Variants in KDM4C observed in about 807,000 individuals in gnomAD.
The protein encoded by KDM4C is lysine demethylase 4C, also known as lysine-specific demethylase 4C.
A neutral mutation model predicts 129.3 loss-of-function variants in KDM4C; 81 were observed. That is an observed-to-expected ratio of 0.63 (90% CI 0.52 to 0.75). The LOEUF (loss-of-function observed/expected upper bound fraction) is 0.75, where lower values mean the gene tolerates loss of function less well. Among genes scored for constraint, KDM4C ranks in the 30% least tolerant of loss-of-function variants. The pLI, the probability that KDM4C is intolerant of heterozygous loss-of-function variation, is 0.00. For synonymous variants in KDM4C, 573 were observed against 456.1 expected, an observed-to-expected ratio of 1.26 and a Z score of -3.26; for missense variants, 1,457 against 1,304.0, an observed-to-expected ratio of 1.12 and a Z score of -1.81.
At chr9:7,139,626 C>G (rs1329463675) in intron 19 of KDM4C, among the ~76,000 whole-genome samples, 2 of 152,160 alleles carry the variant, frequency 1.3e-5, no homozygotes, top group Non-Finnish European at 2.9e-5. Context: ...CACACTAGAC[C>G]CTGTAACTTT....
intron 1 of KDM4C, among the ~76,000 whole-genome samples, chr9:6,731,939 TA>T (rs1030862267): frequency 2.6e-5 from 4 of 152,148 alleles, no homozygotes; most frequent in Non-Finnish European, 4.4e-5. Flanking sequence ...TGTAAACATT[TA>T]AAACCTTTGG....
At chr9:6,730,984 C>G (rs183496213) in intron 1 of KDM4C, among the ~76,000 whole-genome samples, 7 of 152,314 alleles carry the variant, frequency 4.6e-5, no homozygotes, top group Non-Finnish European at 1.0e-4. Flanking sequence ...GACTCAAATA[C>G]AGAAGTACAG....
At chr9:6,857,377 C>T (rs1336786226) in intron 5 of KDM4C, among the ~76,000 whole-genome samples, 2 of 152,228 alleles carry the variant, frequency 1.3e-5, no homozygotes, top group Admixed American at 6.5e-5. Context: ...TAGCTTTGTA[C>T]ATAGCTGCTA....
chr9:7,046,170 C>T (rs1302239400), intron 15 of KDM4C, among the ~76,000 whole-genome samples: 1 of 151,810 alleles, frequency 6.6e-6, no homozygotes, highest in African/African-American at 2.4e-5. Flanking sequence ...ATATTTGTAG[C>T]AATTGGAGTC....
At position 6,986,593 on chromosome 9, in the gene KDM4C, A is replaced by T. The variant is rs760262623; in HGVS notation, c.1604A>T (p.His535Leu). The change falls in exon 11 of 22, where the codon CAT (histidine) becomes CTT (leucine). Residue 535 changes from histidine to leucine, a missense_variant. Physicochemically the swap from His to Leu is moderately conservative, Grantham distance 99 (BLOSUM62 -3). Transcript: ENST00000381309. ...GGAGAAGAGAGTGATGTGGAGAGCC[A>T]TGGGAATGGCCTTGAACCTGGGGAA... is the stretch of plus-strand genomic sequence containing the variant. ...TEGEESDVESHGNGLEPGEIP... is the reference protein window; with the variant it reads ...TEGEESDVESLGNGLEPGEIP... 6.2e-7 allele frequency: 1 copy of T among 1,614,176 alleles called. No individual in the cohort carries two copies. The highest frequency in any genetic ancestry group is 8.5e-7 in the Non-Finnish European group (1 of 1,180,016).
intron 8 of KDM4C, among the ~76,000 whole-genome samples, chr9:6,899,541 G>GT (rs202132135): frequency 0.25 from 29,865 of 118,476 alleles, 3,044 homozygotes; most frequent in South Asian, 0.38. Context: ...TTTTCCATGG[G>GT]GGTGTGTGTG....
intron 8 of KDM4C, among the ~76,000 whole-genome samples, chr9:6,927,246 C>T (rs756407621): frequency 6.6e-6 from 1 of 152,102 alleles, no homozygotes; most frequent in Non-Finnish European, 1.5e-5. Flanking sequence ...TCTTATGCCT[C>T]AGCCTCCTGA....
At chr9:6,866,119 A>T (rs77454528) in intron 5 of KDM4C, among the ~76,000 whole-genome samples, 87 of 151,252 alleles carry the variant, frequency 5.8e-4, no homozygotes, top group African/African-American at 2.1e-3. Flanking sequence ...TCCTGACCTC[A>T]GGTGATCCAC....
At chr9:6,828,798 G>T (rs1025051460) in intron 4 of KDM4C, among the ~76,000 whole-genome samples, 2 of 152,138 alleles carry the variant, frequency 1.3e-5, no homozygotes, top group Non-Finnish European at 2.9e-5. Context: ...TTGAACCTGG[G>T]AGGTAGAGGT....
chr9:7,000,663 AT>A (rs1363154938), intron 12 of KDM4C, among the ~76,000 whole-genome samples: 2 of 151,994 alleles, frequency 1.3e-5, no homozygotes, highest in Non-Finnish European at 2.9e-5. Context: ...AATATTTGAA[AT>A]TTTTTTTACT....
chr9:6,800,497 C>CCACT (rs560417787), intron 2 of KDM4C, among the ~76,000 whole-genome samples: 270 of 152,016 alleles, frequency 1.8e-3, no homozygotes, highest in Non-Finnish European at 2.9e-3. Context: ...TGCGATCATG[C>CCACT]CACTATATTC....
At chr9:6,858,958 A>G (rs1157872783) in intron 5 of KDM4C, among the ~76,000 whole-genome samples, 2 of 152,006 alleles carry the variant, frequency 1.3e-5, no homozygotes, top group Admixed American at 6.6e-5. Context: ...ATTTGCCCAT[A>G]GTATATAGGA....
intron 7 of KDM4C, 130 bp downstream of exon 7, chr9:6,888,193 G>T: frequency 2.4e-6 from 1 of 425,500 alleles, no homozygotes; most frequent in Non-Finnish European, 4.2e-6. Flanking sequence ...ATGTTTTATA[G>T]CATATCAATT....
intron 4 of KDM4C, among the ~76,000 whole-genome samples, chr9:6,822,343 G>A (rs1041257146): frequency 6.6e-6 from 1 of 152,140 alleles, no homozygotes; most frequent in African/African-American, 2.4e-5. Flanking sequence ...ATTTGTTCTT[G>A]GGGAAGACTG....
intron 1 of KDM4C, among the ~76,000 whole-genome samples, chr9:6,780,109 G>A (rs1049507212): frequency 6.6e-6 from 1 of 152,048 alleles, no homozygotes; most frequent in Non-Finnish European, 1.5e-5. Flanking sequence ...TCACACACAG[G>A]GCTAAGTAGG....
At position 7,065,866 on chromosome 9, in the gene KDM4C, C is replaced by T. The variant is rs1267709157; in HGVS notation, c.2424+16666C>T. 5.9e-5 allele frequency among the ~76,000 whole-genome samples: 9 copies of T among 152,186 alleles called. No individual in the cohort carries two copies. In the East Asian group the frequency reaches 1.4e-3, roughly 23 times the overall value. ...CTAAATAGTGTGAAATGTAATAAGT[C>T]AGTGACTGTAGTTTGAAAAAGCAAA... On this transcript the variant is annotated intron_variant, in intron 17 of 21. Coordinates refer to ENST00000381309, the MANE Select transcript of KDM4C (RefSeq NM_015061.6).
At chr9:6,999,173 G>C (rs1363710731) in intron 12 of KDM4C, among the ~76,000 whole-genome samples, 2 of 152,096 alleles carry the variant, frequency 1.3e-5, no homozygotes, top group African/African-American at 4.8e-5. Context: ...TAGGTGTTTG[G>C]GGAAAATTAT....
chr9:6,890,767 T>C (rs551352018), intron 7 of KDM4C, among the ~76,000 whole-genome samples: 1 of 152,216 alleles, frequency 6.6e-6, no homozygotes, highest in African/African-American at 2.4e-5. Flanking sequence ...CACCTTTATG[T>C]GGGAGCAGGG....
chr9:7,027,056 C>G (rs1478228718), intron 15 of KDM4C, among the ~76,000 whole-genome samples: 1 of 152,022 alleles, frequency 6.6e-6, no homozygotes, highest in South Asian at 2.1e-4. Flanking sequence ...TTTGAGAGGT[C>G]ACATATCTGT....
Sources: allele counts gnomAD v4.1 joint callset (sites outside exome capture counted in the v4.1 genomes callset), GRCh38; gene constraint gnomAD v4.1.1; transcripts MANE v1.5; gene names NCBI Gene and HGNC (gene_info 2026-07-23, HGNC 2026-07-21).